Variants in ZMAT4 observed in about 807,000 individuals in gnomAD.
ZMAT4 encodes the protein zinc finger matrin-type protein 4.
ZMAT4 carries 17 observed loss-of-function variants against 28.7 expected under a neutral mutation model. The observed-to-expected ratio is 0.59, with a 90% CI of 0.41 to 0.89. The LOEUF (loss-of-function observed/expected upper bound fraction) is 0.89, where lower values mean the gene tolerates loss of function less well. Among genes scored for constraint, ZMAT4 ranks in the 40% least tolerant of loss-of-function variants. The pLI is 0.00. For missense variants in ZMAT4, 240 were observed against 283.8 expected (o/e 0.85, Z 1.11); for synonymous variants, 117 against 109.2 (o/e 1.07, Z -0.44).
At chr8:40,738,540 A>C (rs1377217348) in intron 3 of ZMAT4, among the ~76,000 whole-genome samples, 5 of 152,226 alleles carry the variant, frequency 3.3e-5, no homozygotes. Flanking sequence ...ATGGTTTTGC[A>C]CTGAGTAAAA....
At chr8:40,716,728 T>C (rs1347018791) in intron 3 of ZMAT4, among the ~76,000 whole-genome samples, 1 of 152,092 alleles carries the variant, frequency 6.6e-6, no homozygotes, top group Non-Finnish European at 1.5e-5. Context: ...GTCAGTTTGA[T>C]TAGGGTCCAA....
intron 3 of ZMAT4, among the ~76,000 whole-genome samples, chr8:40,757,940 T>A (rs1349920503): frequency 6.6e-6 from 1 of 151,992 alleles, no homozygotes; most frequent in Non-Finnish European, 1.5e-5. Context: ...ACTGGCTGAG[T>A]CTCCCAGCCT....
intron 5 of ZMAT4, among the ~76,000 whole-genome samples, chr8:40,610,503 T>C (rs1805756911): frequency 6.6e-6 from 1 of 151,948 alleles, no homozygotes; most frequent in Non-Finnish European, 1.5e-5. Flanking sequence ...CCAAATTCTA[T>C]ATATATATAT....
chr8:40,668,198 G>A lies in ZMAT4; in HGVS notation c.577+6506C>T, dbSNP rs115647090. The stretch of plus-strand genomic sequence containing the variant: ...GAAAACTATTGAGGAGTGGCTGGGC[G>A]CAGTGGCTCATGTCTGCAATCCCAG... On this transcript the variant is annotated intron_variant, in intron 5 of 6. Transcript: ENST00000297737. Among the ~76,000 whole-genome samples the A allele has an allele frequency of 5.1e-3, 779 of 152,158 alleles. 10 individuals carry two copies. The highest frequency in any genetic ancestry group is 0.018 in the African/African-American group (731 of 41,534).
chr8:40,748,915 A>C (rs1812346216), intron 3 of ZMAT4, among the ~76,000 whole-genome samples: 1 of 152,002 alleles, frequency 6.6e-6, no homozygotes, highest in Admixed American at 6.5e-5. Context: ...ATTCCCATGC[A>C]TTGTGGGAGG....
At chr8:40,604,126 C>T (rs1207404133) in intron 5 of ZMAT4, among the ~76,000 whole-genome samples, 2 of 152,098 alleles carry the variant, frequency 1.3e-5, no homozygotes, top group African/African-American at 4.8e-5. Context: ...TTGGATGAGT[C>T]TTTAGGGTTT....
intron 5 of ZMAT4, among the ~76,000 whole-genome samples, chr8:40,670,554 C>T (rs557929824): frequency 5.3e-5 from 8 of 152,108 alleles, no homozygotes; most frequent in Admixed American, 2.0e-4. Flanking sequence ...TTTAAAAATG[C>T]CTGCTCATTG....
chr8:40,755,751 C>G (rs2150550588), intron 3 of ZMAT4, among the ~76,000 whole-genome samples: 1 of 152,306 alleles, frequency 6.6e-6, no homozygotes, highest in African/African-American at 2.4e-5. Flanking sequence ...CTGCACCCAG[C>G]CTGAATTTCA....
At chr8:40,776,853 CTGTG>C (rs1297832919) in intron 2 of ZMAT4, among the ~76,000 whole-genome samples, 4 of 151,792 alleles carry the variant, frequency 2.6e-5, no homozygotes, top group South Asian at 2.1e-4. Flanking sequence ...GACTAAGAAC[CTGTG>C]TGGAGTCCAA....
At chr8:40,709,626 T>C (rs1810515259) in intron 3 of ZMAT4, among the ~76,000 whole-genome samples, 1 of 152,206 alleles carries the variant, frequency 6.6e-6, no homozygotes, top group African/African-American at 2.4e-5. Context: ...AAGGACCCAG[T>C]GAGAAAACAG....
At chr8:40,749,428 C>A (rs929655082) in intron 3 of ZMAT4, among the ~76,000 whole-genome samples, 1 of 152,136 alleles carries the variant, frequency 6.6e-6, no homozygotes, top group Non-Finnish European at 1.5e-5. Flanking sequence ...GAACTGGAGG[C>A]CCAACTTGAC....
At chr8:40,647,272 A>G (rs915646956) in intron 5 of ZMAT4, among the ~76,000 whole-genome samples, 3 of 152,122 alleles carry the variant, frequency 2.0e-5, no homozygotes, top group Non-Finnish European at 4.4e-5. Flanking sequence ...GGAAGCGCAA[A>G]GGGTCAGGGA....
At chr8:40,755,423 AT>A (rs1812637998) in intron 3 of ZMAT4, among the ~76,000 whole-genome samples, 1 of 151,888 alleles carries the variant, frequency 6.6e-6, no homozygotes, top group Non-Finnish European at 1.5e-5. Flanking sequence ...TTCCAATAAG[AT>A]TTTCTATTTA....
At chr8:40,615,119 T>A (rs900142867) in intron 5 of ZMAT4, among the ~76,000 whole-genome samples, 19 of 152,326 alleles carry the variant, frequency 1.2e-4, no homozygotes, top group African/African-American at 4.3e-4. Context: ...AGGGCAGGCC[T>A]GGTGGTGACA....
At position 40,781,446 on chromosome 8, in the gene ZMAT4, A is replaced by G. The variant is rs1422428463; in HGVS notation, c.103-13716T>C. ...GGTACCGGCATAAAGATGGATATATAGATCAATGGAATAGAATTAAGAATC... is the reference window on the plus strand; with the variant it reads ...GGTACCGGCATAAAGATGGATATATGGATCAATGGAATAGAATTAAGAATC... On this transcript the variant is annotated intron_variant, in intron 2 of 6. Transcript: ENST00000297737. Among the ~76,000 whole-genome samples, 3 of 152,188 alleles carry G rather than the reference A, an allele frequency of 2.0e-5. No individual in the cohort carries two copies. In the East Asian group the frequency reaches 5.8e-4, roughly 29 times the overall value.
rs147986589 is a variant in ZMAT4, at chr8:40,720,400, A to C, written c.193-22999T>G. ...TTAGTCTGTGGTCAGAAGGACTTGC[A>C]TTATCCCCTCCTCCTTGCTGTAATC... On this transcript the variant is annotated intron_variant, in intron 3 of 6. Coordinates refer to ENST00000297737, the MANE Select transcript of ZMAT4 (RefSeq NM_024645.3). Among the ~76,000 whole-genome samples, 193 of 152,194 alleles carry C rather than the reference A, an allele frequency of 1.3e-3. 1 individual carries two copies. Among genetic ancestry groups the C allele is most frequent in the African/African-American group, 4.4e-3 (184 of 41,536 alleles).
intron 1 of ZMAT4, among the ~76,000 whole-genome samples, chr8:40,893,500 G>A (rs1200059290): frequency 6.6e-6 from 1 of 152,160 alleles, no homozygotes; most frequent in Non-Finnish European, 1.5e-5. Flanking sequence ...ACAAAGCCCT[G>A]GGACACTGCA....
intron 6 of ZMAT4, among the ~76,000 whole-genome samples, chr8:40,577,725 C>G (rs1474304482): frequency 6.6e-6 from 1 of 151,954 alleles, no homozygotes; most frequent in Non-Finnish European, 1.5e-5. Flanking sequence ...CAAAATATCA[C>G]ACTAGGTCCC....
chr8:40,745,208 T>A (rs917734687), intron 3 of ZMAT4, among the ~76,000 whole-genome samples: 3 of 151,988 alleles, frequency 2.0e-5, no homozygotes, highest in Non-Finnish European at 4.4e-5. Context: ...AGGGAAGAAG[T>A]TGGTGTTATT....
Sources: gnomAD v4.1 joint callset for allele counts (sites outside exome capture counted in the v4.1 genomes callset) on GRCh38, gnomAD v4.1.1 for gene constraint, MANE v1.5 for transcripts, NCBI Gene and HGNC (gene_info 2026-07-23, HGNC 2026-07-21) for gene names.